The following CSN1S1 variants were observed in gnomAD, a reference collection of about 807,000 sequenced individuals.
CSN1S1 encodes the protein alpha-S1-casein.
CSN1S1 carries 63 observed loss-of-function variants against 49.1 expected under a neutral mutation model. The observed-to-expected ratio is 1.28, with a 90% CI of 1.05 to 1.58. The LOEUF is 1.58. Ranked by LOEUF, CSN1S1 falls within the 40% of genes most tolerant of loss-of-function variation. The probability of loss-of-function intolerance (pLI) is 0.00; values close to 1 mark genes in which losing one functional copy is unlikely to be tolerated. For synonymous variants in CSN1S1, 78 were observed against 67.1 expected (o/e 1.16, Z -0.79); for missense variants, 260 against 224.7 (o/e 1.16, Z -1.01).
At chr4:69,933,800 A>G (rs1346256299) in intron 2 of CSN1S1, among the ~76,000 whole-genome samples, 1 of 152,046 alleles carries the variant, frequency 6.6e-6, no homozygotes, top group Non-Finnish European at 1.5e-5. Flanking sequence ...CGTTTGAATT[A>G]GGAAATTATA....
At chr4:69,932,650 A>T (rs766555391) in intron 2 of CSN1S1, 44 bp downstream of exon 2, 1 of 1,493,000 alleles carries the variant, frequency 6.7e-7, no homozygotes, top group Non-Finnish European at 9.2e-7. Flanking sequence ...CTCTTGTTAG[A>T]AATGACCTGA....
At position 69,941,030 on chromosome 4, in the gene CSN1S1, T is replaced by C. The variant is rs781096882; in HGVS notation, c.312T>C (p.Cys104=). 1 of 1,520,220 alleles carries C rather than the reference T, an allele frequency of 6.6e-7. No homozygotes were observed. The highest frequency in any genetic ancestry group is 9.0e-7 in the Non-Finnish European group (1 of 1,112,454). The allele number at this position is 1,520,220 out of a possible 1,614,324, so 94.2% of individuals were successfully genotyped here. ...TTCTTTTTAAATAGGAACAGTTTTG[T>C]AGACTGAACGAATACAACCAACTTC... ...MSLSKCAEQF[C]RLNEYNQLQL... is the part of the protein sequence containing the mutation. Residue 104 remains cysteine, a synonymous_variant, in exon 12 of 16, where the codon TGT becomes TGC. Coordinates refer to ENST00000246891, the MANE Select transcript of CSN1S1 (RefSeq NM_001890.2).
At chr4:69,940,402 T>A (rs1722936545) in intron 11 of CSN1S1, among the ~76,000 whole-genome samples, 1 of 151,812 alleles carries the variant, frequency 6.6e-6, no homozygotes, top group South Asian at 2.1e-4. Context: ...ATTTGTAATT[T>A]ATAGTCTCCT....
intron 15 of CSN1S1, among the ~76,000 whole-genome samples, chr4:69,945,567 T>G (rs1373626574): frequency 6.6e-6 from 1 of 152,060 alleles, no homozygotes; most frequent in East Asian, 1.9e-4. Flanking sequence ...AAGTCCATTT[T>G]TTCCTGATTT....
intron 14 of CSN1S1, among the ~76,000 whole-genome samples, chr4:69,944,184 A>G (rs1319711307): frequency 6.6e-6 from 1 of 152,050 alleles, no homozygotes; most frequent in Non-Finnish European, 1.5e-5. Flanking sequence ...TCCAGCAAAG[A>G]ACTTCCACCT....
chr4:69,936,477 A>T lies in CSN1S1; in HGVS notation c.151A>T (p.Arg51Trp). 1.9e-6 allele frequency: 3 copies of T among 1,571,418 alleles called. No homozygotes were observed. Among genetic ancestry groups the T allele is most frequent in the Non-Finnish European group, 1.7e-6 (2 of 1,143,766 alleles). ...TAAGGAATACATGAATGGTATGAACAGGGTAAGAAACATCAATGAAATTTA... is the reference window on the plus strand; with the variant it reads ...TAAGGAATACATGAATGGTATGAACTGGGTAAGAAACATCAATGAAATTTA... ...SREEYMNGMN[R>W]QRNILREKQT... The change falls in exon 6 of 16, where the codon AGG (arginine) becomes TGG (tryptophan). Residue 51 changes from arginine (R) to tryptophan (W), a missense_variant and splice_region_variant. By Grantham distance (101) the Arg-to-Trp change is moderately radical (BLOSUM62 -3). Coordinates refer to ENST00000246891, the MANE Select transcript of CSN1S1 (RefSeq NM_001890.2).
chr4:69,936,434 T>C (rs1375600105), intron 5 of CSN1S1, 22 bp from the exon 6 acceptor site: 3 of 1,508,180 alleles, frequency 2.0e-6, no homozygotes, highest in African/African-American at 1.4e-5. Flanking sequence ...ATATTGTTTA[T>C]GTTTTCTTTT....
intron 8 of CSN1S1, 120 bp from the exon 9 acceptor site, chr4:69,937,680 T>G: frequency 4.0e-6 from 3 of 748,834 alleles, no homozygotes; most frequent in Non-Finnish European, 6.3e-6. Context: ...GTTTTTCTTA[T>G]TACTTTTATA....
chr4:69,934,379 A>C (rs1193841567), intron 3 of CSN1S1, 135 bp downstream of exon 3: 3 of 828,966 alleles, frequency 3.6e-6, no homozygotes, highest in Non-Finnish European at 5.8e-6. Context: ...AAGCACTGTC[A>C]GATGGTATTT....
chr4:69,944,794 G>T, intron 14 of CSN1S1, 56 bp from the exon 15 acceptor site: 2 of 1,540,982 alleles, frequency 1.3e-6, no homozygotes, highest in Admixed American at 1.8e-5. Context: ...ATTTTTCAGG[G>T]ACTGAAAAAA....
At chr4:69,936,103 C>T (rs1199755201) in intron 5 of CSN1S1, among the ~76,000 whole-genome samples, 154 bp downstream of exon 5, 1 of 151,956 alleles carries the variant, frequency 6.6e-6, no homozygotes, top group Non-Finnish European at 1.5e-5. Flanking sequence ...TGCACATTTA[C>T]ATACTAGCCT....
Position 69,939,170 on chromosome 4 carries a change from T to C in CSN1S1, c.244-6T>C. On this transcript the variant is annotated splice_polypyrimidine_tract_variant and splice_region_variant and intron_variant, in intron 9 of 15. Transcript: ENST00000246891. The stretch of plus-strand genomic sequence containing the variant: ...GGATAATTAACACTAGATTTCTTTC[T>C]TTTAGAAGATGGAATCCAGCATCAG... 6.3e-7 allele frequency: 1 copy of C among 1,596,810 alleles called. No individual in the cohort carries two copies. The highest frequency in any genetic ancestry group is 8.6e-7 in the Non-Finnish European group (1 of 1,167,462).
intron 13 of CSN1S1, 53 bp from the exon 14 acceptor site, chr4:69,942,483 G>T (rs776042249): frequency 2.3e-6 from 3 of 1,325,174 alleles, no homozygotes; most frequent in Non-Finnish European, 3.2e-6. Context: ...TAAGATAAAT[G>T]TGTTGTACCA....
At position 69,935,792 on chromosome 4, in the gene CSN1S1, T is replaced by A. The variant is rs1010796150; in HGVS notation, c.106-134T>A. The A allele has an allele frequency of 5.2e-5, 35 of 666,898 alleles. No homozygotes were observed. In the African/African-American group the frequency reaches 6.3e-4, roughly 12 times the overall value. 41.3% of individuals were successfully genotyped at this position (666,898 alleles called of 1,614,324 possible). On this transcript the variant is annotated intron_variant, in intron 4 of 15. Transcript: ENST00000246891. ...CTCTTAACTATAAATAATACATATG[T>A]GTCACATTCTCTATAATTTTTGACT...
chr4:69,937,076 C>T, intron 7 of CSN1S1, 45 bp from the exon 8 acceptor site: 1 of 1,492,862 alleles, frequency 6.7e-7, no homozygotes, highest in South Asian at 1.3e-5. Context: ...AAATATATAT[C>T]TTCTTAACAA....
intron 4 of CSN1S1, among the ~76,000 whole-genome samples, chr4:69,935,678 C>T (rs755030474): frequency 6.6e-6 from 1 of 152,016 alleles, no homozygotes; most frequent in African/African-American, 2.4e-5. Flanking sequence ...TTAATTTGTA[C>T]CTAAACGTTT....
chr4:69,942,414 A>G, intron 13 of CSN1S1, 122 bp from the exon 14 acceptor site: 2 of 842,636 alleles, frequency 2.4e-6, no homozygotes, highest in East Asian at 5.4e-5. Flanking sequence ...TAACTGTGGC[A>G]TAGAATACAG....
intron 14 of CSN1S1, among the ~76,000 whole-genome samples, 174 bp from the exon 15 acceptor site, chr4:69,944,676 C>G (rs1368866078): frequency 6.6e-6 from 1 of 151,962 alleles, no homozygotes; most frequent in Non-Finnish European, 1.5e-5. Flanking sequence ...CTGAAAGTTT[C>G]TTCAACATGG....
chr4:69,939,112 A>G (rs369900475), intron 9 of CSN1S1, 64 bp from the exon 10 acceptor site: 5 of 1,181,520 alleles, frequency 4.2e-6, no homozygotes, highest in Non-Finnish European at 6.2e-6. Context: ...GATGACATGG[A>G]ACTAGTTTCC....
Sources: gnomAD v4.1 joint callset for allele counts (sites outside exome capture counted in the v4.1 genomes callset) on GRCh38, gnomAD v4.1.1 for gene constraint, MANE v1.5 for transcripts, NCBI Gene and HGNC (gene_info 2026-07-23, HGNC 2026-07-21) for gene names.